Variants in SUPT3H observed in about 807,000 individuals in gnomAD.
SUPT3H encodes the protein transcription initiation protein SPT3 homolog.
A neutral mutation model predicts 44.3 loss-of-function variants in SUPT3H; 44 were observed. The observed-to-expected ratio is 0.99, with a 90% CI of 0.78 to 1.28. The LOEUF (loss-of-function observed/expected upper bound fraction) is 1.28, where lower values mean the gene tolerates loss of function less well. SUPT3H is among the 50% of genes most tolerant of loss of function. SUPT3H has a pLI of 0.00. For missense variants in SUPT3H, 380 were observed against 387.1 expected (o/e 0.98, Z 0.15); for synonymous variants, 124 against 125.6 (o/e 0.99, Z 0.09).
chr6:45,316,838 C>A (rs7764969), intron 2 of SUPT3H, among the ~76,000 whole-genome samples: 23 of 151,878 alleles, frequency 1.5e-4, no homozygotes, highest in Non-Finnish European at 4.4e-5. Flanking sequence ...CCAGGCACAG[C>A]GGCTCATGCC....
At chr6:45,157,268 A>G (rs997296743) in intron 2 of SUPT3H, among the ~76,000 whole-genome samples, 2 of 152,070 alleles carry the variant, frequency 1.3e-5, no homozygotes, top group African/African-American at 4.8e-5. Context: ...ATATTTTGAA[A>G]CATTCTTTTT....
intron 3 of SUPT3H, among the ~76,000 whole-genome samples, chr6:45,093,612 A>G: frequency 6.6e-6 from 1 of 152,176 alleles, no homozygotes; most frequent in East Asian, 1.9e-4. Flanking sequence ...AACATCTGCC[A>G]AATTAAAAAG....
intron 2 of SUPT3H, among the ~76,000 whole-genome samples, chr6:45,279,923 C>T (rs956611601): frequency 2.0e-5 from 3 of 152,076 alleles, no homozygotes; most frequent in African/African-American, 4.8e-5. Flanking sequence ...TTCTAATATA[C>T]CTGCTCTACT....
rs936288431 is a variant in SUPT3H, at chr6:45,297,082, AAAAAAAAAAGG to A, written c.101+68108_101+68118del. Among the ~76,000 whole-genome samples, 20 of 152,002 alleles carry A rather than the reference AAAAAAAAAAGG, an allele frequency of 1.3e-4. No homozygotes were observed. The South Asian group carries it at 3.5e-3, about 27-fold the overall frequency. The stretch of plus-strand genomic sequence containing the variant: ...ATAACCTACGGAAATAAATTTAAAA[AAAAAAAAAAGG>A]AAAAAAAAATGATGTGCTTCATCCC... On this transcript the variant is annotated intron_variant, in intron 2 of 10. Transcript: ENST00000371459.
chr6:44,823,121 A>AT (rs1767472130), downstream of SUPT3H, among the ~76,000 whole-genome samples: 2 of 119,394 alleles, frequency 1.7e-5, no homozygotes, highest in African/African-American at 3.1e-5. Flanking sequence ...AAAAAAAAAA[A>AT]ATTTTTTTCT....
chr6:44,902,077 T>A (rs1348160164), intron 10 of SUPT3H, among the ~76,000 whole-genome samples: 2 of 151,992 alleles, frequency 1.3e-5, no homozygotes, highest in African/African-American at 4.8e-5. Context: ...TCATGCCAAA[T>A]TGTAAAGACC....
intron 6 of SUPT3H, among the ~76,000 whole-genome samples, chr6:44,983,226 T>C (rs9472416): frequency 0.46 from 69,349 of 151,964 alleles, 16,305 homozygotes; most frequent in Admixed American, 0.55. Flanking sequence ...CATAGCCTCA[T>C]ACTTTTCCAC....
chr6:44,951,939 ACAT>A (rs1774385471), intron 9 of SUPT3H, among the ~76,000 whole-genome samples: 1 of 152,196 alleles, frequency 6.6e-6, no homozygotes. Flanking sequence ...GGGTTTTTTG[ACAT>A]CATAATTTGG....
At chr6:45,220,588 A>C (rs1322057042) in intron 2 of SUPT3H, among the ~76,000 whole-genome samples, 3 of 152,222 alleles carry the variant, frequency 2.0e-5, no homozygotes, top group African/African-American at 7.2e-5. Context: ...CACCACCATA[A>C]GAAAAAGAAA....
At position 45,240,504 on chromosome 6, in the gene SUPT3H, G is replaced by A. The variant is rs375357309; in HGVS notation, c.101+124697C>T. On this transcript the variant is annotated intron_variant, in intron 2 of 10. Transcript: ENST00000371459. ...AATAAATCTGCTCCTATAATTAGGC[G>A]TACCGCCCTCAAAAACCTATCTGTA... 2.2e-4 allele frequency among the ~76,000 whole-genome samples: 33 copies of A among 152,266 alleles called. No individual in the cohort carries two copies. In the East Asian group the frequency reaches 3.1e-3, roughly 14 times the overall value.
intron 2 of SUPT3H, among the ~76,000 whole-genome samples, chr6:45,240,054 G>C (rs1769998616): frequency 6.6e-6 from 1 of 152,272 alleles, no homozygotes; most frequent in African/African-American, 2.4e-5. Context: ...TTGGGAAATA[G>C]GTAAAATAAT....
At chr6:44,953,247 T>C (rs973080393) in intron 9 of SUPT3H, 63 bp downstream of exon 9, 1 of 1,239,936 alleles carries the variant, frequency 8.1e-7, no homozygotes, top group Non-Finnish European at 1.2e-6. Flanking sequence ...GAATCACTAA[T>C]GTAAATACCA....
intron 10 of SUPT3H, among the ~76,000 whole-genome samples, chr6:44,842,682 A>G (rs572251377): frequency 3.9e-4 from 59 of 152,326 alleles, no homozygotes; most frequent in South Asian, 1.0e-3. Context: ...TACCAGTGAT[A>G]TAAGAGCAGT....
downstream of SUPT3H, among the ~76,000 whole-genome samples, chr6:44,823,008 C>G (rs1368154156): frequency 6.6e-6 from 1 of 150,706 alleles, no homozygotes; most frequent in African/African-American, 2.4e-5. Flanking sequence ...ATCCCAGCTA[C>G]TCTGGAGGCT....
chr6:44,876,531 A>C (rs1777305329), intron 10 of SUPT3H, among the ~76,000 whole-genome samples: 2 of 144,190 alleles, frequency 1.4e-5, no homozygotes, highest in African/African-American at 5.1e-5. Context: ...GAGGGATAGC[A>C]TTGGGAGATA....
intron 6 of SUPT3H, among the ~76,000 whole-genome samples, chr6:44,987,102 G>C (rs1038537472): frequency 6.6e-6 from 1 of 152,066 alleles, no homozygotes; most frequent in African/African-American, 2.4e-5. Context: ...CTTACAGATA[G>C]CTGTCTTCTC....
At chr6:45,281,259 C>T (rs1350575973) in intron 2 of SUPT3H, among the ~76,000 whole-genome samples, 1 of 152,174 alleles carries the variant, frequency 6.6e-6, no homozygotes, top group South Asian at 2.1e-4. Flanking sequence ...ACAGTGGGTG[C>T]AGCGCACCAA....
chr6:45,274,723 A>G (rs1165903291), intron 2 of SUPT3H, among the ~76,000 whole-genome samples: 2 of 152,110 alleles, frequency 1.3e-5, no homozygotes, highest in Non-Finnish European at 2.9e-5. Flanking sequence ...TGTATTAAAA[A>G]TATTTTTAAA....
At chr6:45,129,558 C>T (rs1050013954) in intron 2 of SUPT3H, among the ~76,000 whole-genome samples, 1 of 152,098 alleles carries the variant, frequency 6.6e-6, no homozygotes, top group Non-Finnish European at 1.5e-5. Context: ...CCTAGATACC[C>T]GTATGAACTA....
Sources: gnomAD v4.1 joint callset for allele counts (sites outside exome capture counted in the v4.1 genomes callset) on GRCh38, gnomAD v4.1.1 for gene constraint, MANE v1.5 for transcripts, NCBI Gene and HGNC (gene_info 2026-07-23, HGNC 2026-07-21) for gene names.